Variants in AGBL4 observed in about 807,000 individuals in gnomAD.
The protein encoded by AGBL4 is AGBL carboxypeptidase 4.
AGBL4 carries 58 observed loss-of-function variants against 66.4 expected under a neutral mutation model. That is an observed-to-expected ratio of 0.87 (90% CI 0.71 to 1.09). The LOEUF (loss-of-function observed/expected upper bound fraction) is 1.09, where lower values mean the gene tolerates loss of function less well. Ranked by LOEUF, AGBL4 falls within the 50% of genes least tolerant of loss-of-function variation. AGBL4 has a pLI of 0.00. For missense variants in AGBL4, 579 were observed against 631.0 expected, an observed-to-expected ratio of 0.92 and a Z score of 0.88; for synonymous variants, 234 against 222.9, an observed-to-expected ratio of 1.05 and a Z score of -0.44.
Position 49,080,101 on chromosome 1 carries a change from C to T in AGBL4, c.378-34301G>A, listed in dbSNP as rs141202595. Among the ~76,000 whole-genome samples, 79 of 152,206 alleles carry T rather than the reference C, an allele frequency of 5.2e-4. 1 individual carries two copies. The highest frequency in any genetic ancestry group is 1.7e-3 in the African/African-American group (71 of 41,528). ...AGTCTAGAGAGATGATAGGACTTGC[C>T]TAAATCTTAATTTGAACAGAGGAAA... On this transcript the variant is annotated intron_variant, in intron 4 of 13. Transcript: ENST00000371839.
chr1:49,913,430 C>G (rs1457696052), intron 1 of AGBL4, among the ~76,000 whole-genome samples: 2 of 152,264 alleles, frequency 1.3e-5, no homozygotes, highest in African/African-American at 4.8e-5. Flanking sequence ...TGCCCCACAT[C>G]CAGGGCACAC....
intron 3 of AGBL4, among the ~76,000 whole-genome samples, chr1:49,478,127 G>C (rs1181110903): frequency 1.3e-5 from 2 of 151,860 alleles, no homozygotes; most frequent in Non-Finnish European, 2.9e-5. Flanking sequence ...AGAGGAGGTA[G>C]AGAAAAGATA....
intron 4 of AGBL4, among the ~76,000 whole-genome samples, chr1:49,208,312 T>C (rs1334070695): frequency 2.0e-5 from 3 of 152,090 alleles, no homozygotes; most frequent in African/African-American, 7.2e-5. Flanking sequence ...TGATTTTTTT[T>C]CTTAATGATT....
intron 5 of AGBL4, among the ~76,000 whole-genome samples, chr1:48,994,877 A>G (rs1434108406): frequency 2.0e-5 from 3 of 152,224 alleles, no homozygotes; most frequent in Non-Finnish European, 4.4e-5. Flanking sequence ...ACATAATTCC[A>G]AAATTCATGT....
At chr1:49,810,770 G>A (rs1219607798) in intron 2 of AGBL4, among the ~76,000 whole-genome samples, 1 of 152,106 alleles carries the variant, frequency 6.6e-6, no homozygotes, top group African/African-American at 2.4e-5. Flanking sequence ...AAAGGCATTG[G>A]GAAGTTACTG....
intron 3 of AGBL4, among the ~76,000 whole-genome samples, chr1:49,489,959 T>G (rs1355476820): frequency 1.3e-5 from 2 of 151,762 alleles, no homozygotes; most frequent in Non-Finnish European, 2.9e-5. Flanking sequence ...ATTTTCTATG[T>G]AGGAAATCAT....
chr1:49,817,076 G>A (rs1036688816), intron 2 of AGBL4, among the ~76,000 whole-genome samples: 3 of 152,092 alleles, frequency 2.0e-5, no homozygotes, highest in Admixed American at 2.0e-4. Flanking sequence ...TATACACAAT[G>A]ACCACCTTCT....
At chr1:48,834,484 TG>T (rs1646631029) in intron 6 of AGBL4, among the ~76,000 whole-genome samples, 1 of 152,066 alleles carries the variant, frequency 6.6e-6, no homozygotes, top group African/African-American at 2.4e-5. Flanking sequence ...GTAAGGCCTT[TG>T]GGAGGTCTTT....
intron 3 of AGBL4, among the ~76,000 whole-genome samples, chr1:49,575,202 T>C (rs540498647): frequency 2.4e-4 from 36 of 152,178 alleles, no homozygotes; most frequent in Non-Finnish European, 4.3e-4. Context: ...ACCCAAAACA[T>C]CATTGTCATC....
At chr1:48,764,212 T>C (rs1361745083) in intron 6 of AGBL4, among the ~76,000 whole-genome samples, 1 of 152,254 alleles carries the variant, frequency 6.6e-6, no homozygotes, top group Non-Finnish European at 1.5e-5. Context: ...GGAAGGCTTT[T>C]GAAAGGAGGT....
intron 4 of AGBL4, among the ~76,000 whole-genome samples, chr1:49,194,234 T>C (rs1014086183): frequency 3.3e-5 from 5 of 151,950 alleles, no homozygotes; most frequent in African/African-American, 1.2e-4. Context: ...TTATATTCTG[T>C]TTTTGAATTG....
intron 3 of AGBL4, among the ~76,000 whole-genome samples, chr1:49,533,527 A>C (rs1269337674): frequency 6.6e-6 from 1 of 152,126 alleles, no homozygotes; most frequent in African/African-American, 2.4e-5. Flanking sequence ...GGGCTGAATC[A>C]GATGACTACT....
At chr1:48,690,022 A>T (rs1646604083) in intron 6 of AGBL4, among the ~76,000 whole-genome samples, 1 of 152,226 alleles carries the variant, frequency 6.6e-6, no homozygotes, top group South Asian at 2.1e-4. Flanking sequence ...ATAACTCGTT[A>T]TGGTTTTTGG....
intron 3 of AGBL4, among the ~76,000 whole-genome samples, chr1:49,271,561 T>C (rs1026697856): frequency 1.5e-4 from 23 of 149,814 alleles, no homozygotes; most frequent in African/African-American, 5.8e-4. Flanking sequence ...CACGTACATA[T>C]ACATATCTAA....
Position 49,552,788 on chromosome 1 carries a change from G to C in AGBL4, c.282+144525C>G, listed in dbSNP as rs540403147. 5.3e-5 allele frequency among the ~76,000 whole-genome samples: 8 copies of C among 152,332 alleles called. No homozygotes were observed. The South Asian group carries it at 1.7e-3, about 32-fold the overall frequency. ...CAAGGCCCTGCATACTGCTCTGTCT[G>C]TCCGAGTCAGAGCTGCAATTTAGTC... On this transcript the variant is annotated intron_variant, in intron 3 of 13. Transcript: ENST00000371839.
chr1:48,701,870 G>A (rs1472313595), intron 6 of AGBL4, among the ~76,000 whole-genome samples: 1 of 152,124 alleles, frequency 6.6e-6, no homozygotes, highest in East Asian at 1.9e-4. Flanking sequence ...ATAAATGAAT[G>A]AATGAATGAG....
intron 5 of AGBL4, among the ~76,000 whole-genome samples, chr1:48,898,949 A>G (rs3127564): frequency 0.87 from 132,206 of 152,248 alleles, 58,470 homozygotes; most frequent in Middle Eastern, 0.96. Context: ...GGGAGCGCCC[A>G]TGGTACCTCC....
chr1:49,937,206 C>CA, intron 1 of AGBL4, among the ~76,000 whole-genome samples: 1 of 152,174 alleles, frequency 6.6e-6, no homozygotes, highest in Admixed American at 6.5e-5. Context: ...TCTGATAAAA[C>CA]AGACATTAAA....
chr1:49,519,210 G>A (rs745735486), intron 3 of AGBL4, among the ~76,000 whole-genome samples: 1 of 152,088 alleles, frequency 6.6e-6, no homozygotes, highest in Non-Finnish European at 1.5e-5. Flanking sequence ...TGATGCCTAT[G>A]TGATCTTGGG....
Sources: gnomAD v4.1 joint callset for allele counts (sites outside exome capture counted in the v4.1 genomes callset) on GRCh38, gnomAD v4.1.1 for gene constraint, MANE v1.5 for transcripts, NCBI Gene and HGNC (gene_info 2026-07-23, HGNC 2026-07-21) for gene names.